BBS12: variants seen among roughly 807,000 people sequenced by gnomAD.
BBS12 encodes the protein Bardet-Biedl syndrome 12.
Under a neutral mutation model 5.6 loss-of-function variants are expected in BBS12, and 5 were observed. The ratio of observed to expected loss-of-function variants is 0.89; its 90% CI spans 0.46 to 1.86. The LOEUF (loss-of-function observed/expected upper bound fraction) is 1.86, where lower values mean the gene tolerates loss of function less well. Ranked by LOEUF, BBS12 falls within the 40% of genes most tolerant of loss-of-function variation. BBS12 has a pLI of 0.01. For synonymous variants in BBS12, 308 were observed against 306.8 expected (o/e 1.00, Z -0.04); for missense variants, 748 against 830.4 (o/e 0.90, Z 1.22).
At chr4:122,733,859 C>CTTTTTTTT (rs35729794) in intron 1 of BBS12, 27 of 97,154 alleles carry the variant, frequency 2.8e-4, no homozygotes, top group Non-Finnish European at 3.8e-4. Flanking sequence ...TAACTTTAGT[C>CTTTTTTTT]TTTTTTTTTT....
intron 1 of BBS12, among the ~76,000 whole-genome samples, chr4:122,733,711 T>C (rs1227014484): frequency 6.6e-5 from 10 of 152,178 alleles, no homozygotes; most frequent in African/African-American, 2.2e-4. Flanking sequence ...AATGAAGGAA[T>C]GAGAGAATCT....
chr4:122,734,491 C>G (rs1286995933), intron 1 of BBS12, among the ~76,000 whole-genome samples: 1 of 152,140 alleles, frequency 6.6e-6, no homozygotes, highest in Non-Finnish European at 1.5e-5. Flanking sequence ...TGGTCTCCAT[C>G]TCCTGACTTC....
Position 122,742,351 on chromosome 4 carries a change from TAGTGTA to T in BBS12, c.463_468del (p.Val155_Ser156del). The T allele has an allele frequency of 1.2e-6, 2 of 1,614,184 alleles. No individual in the cohort carries two copies. The highest frequency in any genetic ancestry group is 1.7e-6 in the Non-Finnish European group (2 of 1,180,008). On this transcript the variant is annotated inframe_deletion, in exon 2 of 2. Transcript: ENST00000314218. ...AAACATTTTCTCAACTTGAAACATT[TAGTGTA>T]AGTTTGTGTCCTTTTCTACAGGTCC... is the stretch of plus-strand genomic sequence containing the variant.
chr4:122,700,570 A>C, the BBS12 span, among the ~76,000 whole-genome samples: 1 of 152,186 alleles, frequency 6.6e-6, no homozygotes, highest in Admixed American at 6.5e-5. Context: ...CCTGTTGGTG[A>C]GTAATAAACC....
the BBS12 span, among the ~76,000 whole-genome samples, chr4:122,708,796 A>C: frequency 6.6e-6 from 1 of 152,138 alleles, no homozygotes; most frequent in African/African-American, 2.4e-5. Context: ...TACATGTATA[A>C]AATTATAATT....
chr4:122,732,807 C>CT lies in BBS12; in HGVS notation c.-87dup, dbSNP rs1195917257. The CT allele has an allele frequency of 6.6e-6, 1 of 152,346 alleles. No homozygotes were observed. The highest frequency in any genetic ancestry group is 2.4e-5 in the African/African-American group (1 of 41,458). 9.4% of individuals were successfully genotyped at this position (152,346 alleles called of 1,614,324 possible). ...CCTAGCCCTGGCGTTTTTGGTGTTG[C>CT]TGTCCCAGCCAGAATCGCGTCTGGC... On this transcript the variant is annotated 5_prime_UTR_variant, in exon 1 of 2. Transcript: ENST00000314218.
At chr4:122,703,001 T>C in the BBS12 span, among the ~76,000 whole-genome samples, 1 of 152,316 alleles carries the variant, frequency 6.6e-6, no homozygotes. Flanking sequence ...TATAGTAAAG[T>C]ATAAAACTTT....
At chr4:122,707,062 T>C in the BBS12 span, among the ~76,000 whole-genome samples, 1 of 146,446 alleles carries the variant, frequency 6.8e-6, no homozygotes, top group Non-Finnish European at 1.5e-5. Flanking sequence ...CTCTTTTTTT[T>C]TTTTTTTTTT....
At chr4:122,726,228 G>GA in the BBS12 span, among the ~76,000 whole-genome samples, 4 of 151,354 alleles carry the variant, frequency 2.6e-5, no homozygotes, top group African/African-American at 4.8e-5. Flanking sequence ...AAATTAGCAA[G>GA]AAAAAAAACG....
intron 1 of BBS12, among the ~76,000 whole-genome samples, chr4:122,734,925 T>TTAAAA (rs1367377985): frequency 2.8e-3 from 424 of 152,340 alleles, no homozygotes; most frequent in African/African-American, 8.1e-3. Flanking sequence ...ACATAGGCAC[T>TTAAAA]CTTAAATCTC....
chr4:122,733,408 CACACACACACACACACAT>C (rs1267314338), intron 1 of BBS12, among the ~76,000 whole-genome samples: 2 of 149,994 alleles, frequency 1.3e-5, no homozygotes, highest in African/African-American at 2.5e-5. Context: ...CACACACACA[CACACACACACACACACAT>C]CCAGCCATTT....
At chr4:122,713,343 C>T in the BBS12 span, among the ~76,000 whole-genome samples, 1 of 150,860 alleles carries the variant, frequency 6.6e-6, no homozygotes, top group East Asian at 1.9e-4. Context: ...ATTTTTTCTA[C>T]CTGGGTTTGG....
Position 122,742,059 on chromosome 4 carries a change from T to G in BBS12, c.167T>G (p.Leu56Arg), listed in dbSNP as rs1419506380. ...GTATTAATCAGTTCAACAGTAAGGC[T>G]TCTTGAAAGTTTGGATTTAACCAGT... ...ESVLISSTVR[L>R]LESLDLTSAV... Residue 56 changes from leucine (L) to arginine (R), a missense_variant, in exon 2 of 2, where the codon CTT becomes CGT. Physicochemically the swap from Leu to Arg is moderately radical, Grantham distance 102. Transcript: ENST00000314218. 1 of 1,614,200 alleles carries G rather than the reference T, an allele frequency of 6.2e-7. No individual in the cohort carries two copies. The highest frequency in any genetic ancestry group is 1.3e-5 in the African/African-American group (1 of 75,074).
chr4:122,727,577 TCTCA>T, the BBS12 span, among the ~76,000 whole-genome samples: 33,722 of 91,588 alleles, frequency 0.37, 7,025 homozygotes, highest in East Asian at 0.59. Context: ...TGAGATGGAG[TCTCA>T]CTCACTCTGT....
the BBS12 span, among the ~76,000 whole-genome samples, chr4:122,712,331 T>C: frequency 6.6e-6 from 1 of 152,246 alleles, no homozygotes; most frequent in Non-Finnish European, 1.5e-5. Flanking sequence ...CCAAATGTCA[T>C]TCCTCCTTAC....
chr4:122,741,793 G>A (rs933645790), intron 1 of BBS12, 90 bp from the exon 2 acceptor site: 9 of 1,074,594 alleles, frequency 8.4e-6, no homozygotes, highest in African/African-American at 1.6e-5. Flanking sequence ...TACCTCAAAA[G>A]CAGGGAGCAT....
chr4:122,742,677 C>T lies in BBS12; in HGVS notation c.785C>T (p.Thr262Ile). The T allele has an allele frequency of 6.2e-7, 1 of 1,614,236 alleles. No individual in the cohort carries two copies. The highest frequency in any genetic ancestry group is 8.5e-7 in the Non-Finnish European group (1 of 1,180,048). Residue 262 changes from threonine to isoleucine, a missense_variant, in exon 2 of 2, where the codon ACT becomes ATT. Coordinates refer to ENST00000314218, the MANE Select transcript of BBS12 (RefSeq NM_152618.3). ...FQEHVTATHK[T>I]YRCNDLVELA... ...GAACATGTTACAGCTACTCACAAAA[C>T]TTACAGATGTAATGATTTGGTAGAG...
At chr4:122,716,689 G>GTA in the BBS12 span, among the ~76,000 whole-genome samples, 7 of 61,050 alleles carry the variant, frequency 1.1e-4, no homozygotes, top group Non-Finnish European at 1.8e-4. Context: ...ATACACATAT[G>GTA]TGTATGTGTG....
chr4:122,725,726 G>A, the BBS12 span, among the ~76,000 whole-genome samples: 24 of 151,784 alleles, frequency 1.6e-4, no homozygotes, highest in African/African-American at 5.1e-4. Context: ...GTGAAACCCC[G>A]TCTCTACTAA....
Sources: gnomAD v4.1 joint callset for allele counts (sites outside exome capture counted in the v4.1 genomes callset) on GRCh38, gnomAD v4.1.1 for gene constraint, MANE v1.5 for transcripts, NCBI Gene and HGNC (gene_info 2026-07-23, HGNC 2026-07-21) for gene names.